COMMD1: variants seen among roughly 807,000 people sequenced by gnomAD.
COMMD1 encodes copper metabolism domain containing 1, also known as COMM domain-containing protein 1.
Under a neutral mutation model 17.2 loss-of-function variants are expected in COMMD1, and 10 were observed. The ratio of observed to expected loss-of-function variants is 0.58; its 90% confidence interval spans 0.36 to 0.99. The LOEUF is 0.99. Ranked by LOEUF, COMMD1 falls within the 50% of genes least tolerant of loss-of-function variation. The pLI is 0.01. For synonymous variants in COMMD1, 97 were observed against 91.6 expected (o/e 1.06, Z -0.34); for missense variants, 270 against 231.8 (o/e 1.17, Z -1.07).
At chr2:61,981,645 G>A (rs1384866688) in intron 1 of COMMD1, among the ~76,000 whole-genome samples, 1 of 152,174 alleles carries the variant, frequency 6.6e-6, no homozygotes, top group Non-Finnish European at 1.5e-5. Flanking sequence ...AGGCCTCACA[G>A]TCATGGCGGA....
intron 1 of COMMD1, among the ~76,000 whole-genome samples, chr2:61,934,770 C>T (rs1363635198): frequency 3.9e-5 from 6 of 152,110 alleles, no homozygotes; most frequent in African/African-American, 1.4e-4. Context: ...TTCTCTCAAC[C>T]CTCATTGGTT....
At chr2:62,096,260 T>G (rs1672007374) in intron 2 of COMMD1, among the ~76,000 whole-genome samples, 1 of 152,194 alleles carries the variant, frequency 6.6e-6, no homozygotes, top group Admixed American at 6.5e-5. Flanking sequence ...CTCTTCTCCA[T>G]ATATTGGGCA....
intron 1 of COMMD1, among the ~76,000 whole-genome samples, chr2:61,908,517 A>C (rs1258554654): frequency 7.1e-6 from 1 of 141,276 alleles, no homozygotes; most frequent in African/African-American, 2.6e-5. Flanking sequence ...GAGCCACTGC[A>C]CCCAGCCTTT....
chr2:61,905,236 A>T (rs1669740742), upstream of COMMD1, among the ~76,000 whole-genome samples: 1 of 152,206 alleles, frequency 6.6e-6, no homozygotes, highest in Admixed American at 6.5e-5. Flanking sequence ...GGAGATAGTT[A>T]AACTTCCTGA....
chr2:62,052,594 T>C (rs1348189504), intron 2 of COMMD1, among the ~76,000 whole-genome samples: 1 of 152,212 alleles, frequency 6.6e-6, no homozygotes, highest in East Asian at 1.9e-4. Flanking sequence ...GAGCTATTTG[T>C]TAACATATTC....
chr2:62,017,598 A>T (rs2103847401), intron 2 of COMMD1, among the ~76,000 whole-genome samples: 1 of 151,856 alleles, frequency 6.6e-6, no homozygotes, highest in East Asian at 1.9e-4. Flanking sequence ...TGGGCCCAGG[A>T]GTTTGAGGCT....
intron 2 of COMMD1, among the ~76,000 whole-genome samples, chr2:62,127,608 C>A (rs1416544691): frequency 6.6e-6 from 1 of 152,002 alleles, no homozygotes; most frequent in Admixed American, 6.5e-5. Flanking sequence ...ACAAACCTGA[C>A]AAAAAAAGCA....
chr2:61,930,211 A>G (rs1558525303), intron 1 of COMMD1, among the ~76,000 whole-genome samples: 1 of 151,900 alleles, frequency 6.6e-6, no homozygotes, highest in East Asian at 1.9e-4. Context: ...TACTTTATAA[A>G]CCTCTTTTGC....
chr2:62,042,491 C>G (rs984893037), intron 2 of COMMD1, among the ~76,000 whole-genome samples: 1 of 152,188 alleles, frequency 6.6e-6, no homozygotes, highest in Non-Finnish European at 1.5e-5. Context: ...GCTTGTGCCC[C>G]GATCAAGCCC....
chr2:61,918,715 A>G (rs1016536908), intron 1 of COMMD1: 1 of 152,178 alleles, frequency 6.6e-6, no homozygotes, highest in African/African-American at 2.4e-5. Context: ...ACACAAGGTA[A>G]ATGTCACTGT....
chr2:61,998,604 T>C (rs1321998352), intron 1 of COMMD1, among the ~76,000 whole-genome samples: 1 of 152,202 alleles, frequency 6.6e-6, no homozygotes, highest in African/African-American at 2.4e-5. Flanking sequence ...GAGTAGCACT[T>C]TTAATTTCTT....
chr2:62,089,703 G>A (rs1265725844), intron 2 of COMMD1, among the ~76,000 whole-genome samples: 1 of 152,076 alleles, frequency 6.6e-6, no homozygotes, highest in Non-Finnish European at 1.5e-5. Flanking sequence ...ACAATATATA[G>A]GGTTAAATAA....
chr2:62,080,628 A>G (rs994998049), intron 2 of COMMD1, among the ~76,000 whole-genome samples: 2 of 152,238 alleles, frequency 1.3e-5, no homozygotes, highest in Admixed American at 6.5e-5. Flanking sequence ...TTCAAAAATT[A>G]CAAAAGACTG....
chr2:61,888,553 C>A, upstream of COMMD1: 1 of 1,591,410 alleles, frequency 6.3e-7, no homozygotes, highest in South Asian at 1.1e-5. Context: ...GACGGATGGA[C>A]CCGGATTCTG....
intron 2 of COMMD1, among the ~76,000 whole-genome samples, chr2:62,026,788 C>G (rs1669769261): frequency 6.6e-6 from 1 of 152,136 alleles, no homozygotes; most frequent in Non-Finnish European, 1.5e-5. Context: ...TCAGATTTCT[C>G]ATTCCTAAGG....
At chr2:62,007,418 A>G (rs1669151880) in intron 2 of COMMD1, among the ~76,000 whole-genome samples, 1 of 152,204 alleles carries the variant, frequency 6.6e-6, no homozygotes. Context: ...ATCTCGAGGG[A>G]AAGTATTCAT....
chr2:62,025,722 T>C (rs1430014959), intron 2 of COMMD1, among the ~76,000 whole-genome samples: 1 of 152,176 alleles, frequency 6.6e-6, no homozygotes, highest in Non-Finnish European at 1.5e-5. Flanking sequence ...AGAGTGTCGC[T>C]CTGTCACCCA....
intron 1 of COMMD1, among the ~76,000 whole-genome samples, chr2:61,917,680 A>G (rs915271549): frequency 5.3e-5 from 8 of 151,962 alleles, no homozygotes; most frequent in African/African-American, 1.7e-4. Context: ...GGCTCCCACC[A>G]TCACGCCCGG....
intron 2 of COMMD1, among the ~76,000 whole-genome samples, chr2:62,089,746 G>C (rs530752718): frequency 6.6e-6 from 1 of 152,152 alleles, no homozygotes; most frequent in Non-Finnish European, 1.5e-5. Context: ...GGTTTGTAGG[G>C]CGTGACTCCC....
Sources: gnomAD v4.1 joint callset for allele counts (sites outside exome capture counted in the v4.1 genomes callset) on GRCh38, gnomAD v4.1.1 for gene constraint, MANE v1.5 for transcripts, NCBI Gene and HGNC (gene_info 2026-07-23, HGNC 2026-07-21) for gene names.